GSTA5: variants seen among roughly 807,000 people sequenced by gnomAD.
GSTA5 encodes glutathione S-transferase alpha 5, also known as glutathione S-transferase A5.
A neutral mutation model predicts 21.8 loss-of-function variants in GSTA5; 25 were observed. The observed-to-expected ratio is 1.14, with a 90% CI of 0.83 to 1.60. GSTA5 has a LOEUF of 1.60. Ranked by LOEUF, GSTA5 falls within the 40% of genes most tolerant of loss-of-function variation. The pLI is 0.00. For synonymous variants in GSTA5, 102 were observed against 89.5 expected (o/e 1.14, Z -0.78); for missense variants, 330 against 259.2 (o/e 1.27, Z -1.88).
In GSTA5 at chr6:52,837,157, C is replaced by A. The variant is rs139971657; in HGVS notation, c.139+401G>T. On this transcript the variant is annotated intron_variant, in intron 2 of 5. Coordinates refer to ENST00000370989, the Ensembl canonical transcript of GSTA5. Reference sequence around the variant, plus strand: ...CCACAGTGTTACTTTGTCACGCCCCCCCATGAAAGAAAAACCTCAAGGCAA... The same window carrying A: ...CCACAGTGTTACTTTGTCACGCCCCACCATGAAAGAAAAACCTCAAGGCAA... Among the ~76,000 whole-genome samples, 83 of 152,272 alleles carry A rather than the reference C, an allele frequency of 5.5e-4. 1 individual carries two copies. Among genetic ancestry groups the A allele is most frequent in the African/African-American group, 1.9e-3 (81 of 41,552 alleles).
upstream of GSTA5, chr6:52,840,912 C>T (rs1561928006): frequency 1.9e-6 from 2 of 1,058,832 alleles, no homozygotes; most frequent in Non-Finnish European, 1.4e-6. Context: ...GGTTGAAAAC[C>T]ACAAACAATG....
In GSTA5 at chr6:52,836,381, A is replaced by C; in HGVS notation, c.140-13T>G. Reference sequence around the variant, plus strand: ...AGCAAACTCCCATCTTAGAAAGAAGAAAAAAAAAGGAGTATGAAGTGTCTA... The same window carrying C: ...AGCAAACTCCCATCTTAGAAAGAAGCAAAAAAAAGGAGTATGAAGTGTCTA... On this transcript the variant is annotated splice_polypyrimidine_tract_variant and intron_variant, in intron 2 of 5. Transcript: ENST00000370989. The C allele has an allele frequency of 6.4e-7, 1 of 1,569,228 alleles. No homozygotes were observed. The highest frequency in any genetic ancestry group is 8.7e-7 in the Non-Finnish European group (1 of 1,150,614).
chr6:52,835,332 A>G (rs1401939893), intron 3 of GSTA5, among the ~76,000 whole-genome samples: 2 of 152,222 alleles, frequency 1.3e-5, no homozygotes, highest in African/African-American at 4.8e-5. Context: ...ACCATCTTGT[A>G]GCATGCATTG....
chr6:52,837,588 A>C, exon 2 of GSTA5: 2 of 1,608,948 alleles, frequency 1.2e-6, no homozygotes, highest in Non-Finnish European at 1.7e-6. Flanking sequence ...TCTTCTGCAG[A>C]TTCTAGAAAT....
At chr6:52,833,834 C>T (rs1001439097) in intron 4 of GSTA5, among the ~76,000 whole-genome samples, 3 of 152,184 alleles carry the variant, frequency 2.0e-5, no homozygotes, top group African/African-American at 7.2e-5. Flanking sequence ...TCAACAGCAA[C>T]CTCCAGTGTG....
chr6:52,837,866 A>G (rs72506336), intron 1 of GSTA5, among the ~76,000 whole-genome samples: 6,996 of 152,290 alleles, frequency 0.046, 452 homozygotes, highest in African/African-American at 0.13. Context: ...TGATTAGGTC[A>G]TATTTTGAGA....
At chr6:52,832,203 A>G (rs1276499591) in intron 5 of GSTA5, among the ~76,000 whole-genome samples, 1 of 152,184 alleles carries the variant, frequency 6.6e-6, no homozygotes, top group Non-Finnish European at 1.5e-5. Flanking sequence ...AGTCATCCCT[A>G]TCTTTCTCCT....
chr6:52,836,193 C>T (rs1764289294), intron 3 of GSTA5, 43 bp downstream of exon 3: 3 of 1,605,944 alleles, frequency 1.9e-6, no homozygotes, highest in African/African-American at 2.7e-5. Flanking sequence ...ACTTAAATCA[C>T]TCTGTGTTCT....
chr6:52,833,022 C>T, intron 4 of GSTA5, 32 bp from the exon 5 acceptor site: 1 of 1,613,416 alleles, frequency 6.2e-7, no homozygotes, highest in Non-Finnish European at 8.5e-7. Context: ...ATCAGGAACA[C>T]ATGCACACCC....
rs1412804958 is a variant in GSTA5 at position 52,834,221 on chromosome 6, A to G, written c.334T>C (p.Cys112Arg). ...TTGGCATCTCTTTCCTCTGGTTGACATATGAGCAGAAGAAGGATCATTTCA... is the reference window on the plus strand; with the variant it reads ...TTGGCATCTCTTTCCTCTGGTTGACGTATGAGCAGAAGAAGGATCATTTCA... Residue 112 changes from cysteine to arginine, a missense_variant, in exon 4 of 6, where the codon TGT (cysteine) becomes CGT (arginine). Coordinates refer to ENST00000370989, the Ensembl canonical transcript of GSTA5. The G allele has an allele frequency of 3.1e-6, 5 of 1,613,796 alleles. No individual in the cohort carries two copies. The African/African-American group carries it at 5.3e-5, about 17-fold the overall frequency.
chr6:52,834,080 C>A, intron 4 of GSTA5, 61 bp downstream of exon 4: 3 of 1,595,066 alleles, frequency 1.9e-6, no homozygotes, highest in Non-Finnish European at 2.6e-6. Flanking sequence ...GAATGCCCAG[C>A]CACTATTTTT....
intron 3 of GSTA5, among the ~76,000 whole-genome samples, chr6:52,834,635 A>T (rs114873152): frequency 6.6e-6 from 1 of 152,164 alleles, no homozygotes; most frequent in South Asian, 2.1e-4. Flanking sequence ...AGGATTTATC[A>T]TCTCAATTGT....
At chr6:52,839,300 G>C (rs1313104632) in intron 1 of GSTA5, among the ~76,000 whole-genome samples, 1 of 152,116 alleles carries the variant, frequency 6.6e-6, no homozygotes, top group Non-Finnish European at 1.5e-5. Flanking sequence ...CTGGGAACCT[G>C]GGTTCCTCCC....
upstream of GSTA5, among the ~76,000 whole-genome samples, chr6:52,844,534 G>T (rs970888676): frequency 5.3e-5 from 8 of 152,142 alleles, no homozygotes; most frequent in African/African-American, 1.9e-4. Context: ...AATTCCAGGA[G>T]TAAATTAAAA....
At chr6:52,844,188 G>C (rs1446974510), upstream of GSTA5, among the ~76,000 whole-genome samples, 1 of 152,104 alleles carries the variant, frequency 6.6e-6, no homozygotes, top group Admixed American at 6.6e-5. Context: ...GTGAGTGTTG[G>C]GTCAGCCTGA....
intron 5 of GSTA5, 49 bp downstream of exon 5, chr6:52,832,810 C>T: frequency 6.2e-7 from 1 of 1,611,900 alleles, no homozygotes; most frequent in African/African-American, 1.3e-5. Flanking sequence ...ATATGAGATC[C>T]CAATATAAGA....
chr6:52,832,921 C>A lies in GSTA5; in HGVS notation c.484G>T (p.Glu162Ter). 1.2e-6 allele frequency: 2 copies of A among 1,614,112 alleles called. No homozygotes were observed. The highest frequency in any genetic ancestry group is 1.7e-6 in the Non-Finnish European group (2 of 1,180,006). The stretch of plus-strand genomic sequence containing the variant: ...AGCTCTTCCACGTAGTAGAAAAGTT[C>A]CACCAGGTGAATGTCAGCCCAGCTC... The change falls in exon 5 of 6, where the codon GAA (glutamate) becomes TAA (stop). Residue 162 changes from glutamate (E) to a stop codon, truncating the protein, a stop_gained. Coordinates refer to ENST00000370989, the Ensembl canonical transcript of GSTA5. LOFTEE classifies it high-confidence loss of function.
chr6:52,834,240 C>A, exon 4 of GSTA5: 1 of 1,613,902 alleles, frequency 6.2e-7, no homozygotes, highest in Non-Finnish European at 8.5e-7. Flanking sequence ...GAAGAAGGAT[C>A]ATTTCAGTCA....
In GSTA5 at chr6:52,837,498, A is replaced by T. The variant is rs1433245872; in HGVS notation, c.139+60T>A. ...ACACATAGGTATTCCTGGCTGCTCA[A>T]CGTTCCTCTGTACCTTCTACTAGAA... On this transcript the variant is annotated intron_variant, in intron 2 of 5. Transcript: ENST00000370989. 12 of 1,115,878 alleles carry T rather than the reference A, an allele frequency of 1.1e-5. No individual in the cohort carries two copies. The Admixed American group carries it at 1.4e-4, about 13-fold the overall frequency. The allele number at this position is 1,115,878 out of a possible 1,614,324, so 69.1% of individuals were successfully genotyped here. A position where few individuals can be genotyped will look rare whatever the true frequency, so the allele number is the denominator to read the frequency against.
Sources: allele counts gnomAD v4.1 joint callset (sites outside exome capture counted in the v4.1 genomes callset), GRCh38; gene constraint gnomAD v4.1.1; transcripts MANE v1.5; gene names NCBI Gene and HGNC (gene_info 2026-07-23, HGNC 2026-07-21).